PDE8A: variants seen among roughly 807,000 people sequenced by gnomAD.
PDE8A encodes the protein high affinity cAMP-specific and IBMX-insensitive 3',5'-cyclic phosphodiesterase 8A.
PDE8A carries 59 observed loss-of-function variants against 105.0 expected under a neutral mutation model. The ratio of observed to expected loss-of-function variants is 0.56; its 90% CI spans 0.46 to 0.70. The LOEUF is 0.70. Ranked by LOEUF, PDE8A falls within the 30% of genes least tolerant of loss-of-function variation. The probability of loss-of-function intolerance (pLI) is 0.00; values close to 1 mark genes in which losing one functional copy is unlikely to be tolerated. For synonymous variants in PDE8A, 355 were observed against 371.9 expected, an observed-to-expected ratio of 0.95 and a Z score of 0.52; for missense variants, 1,014 against 1,045.9, an observed-to-expected ratio of 0.97 and a Z score of 0.42.
chr15:85,062,298 C>A (rs2081158800), intron 1 of PDE8A, among the ~76,000 whole-genome samples: 1 of 152,172 alleles, frequency 6.6e-6, no homozygotes, highest in Non-Finnish European at 1.5e-5. Context: ...CATCTCTGTG[C>A]CAAGGATCAG....
chr15:85,004,607 A>T (rs1242850296), intron 1 of PDE8A, among the ~76,000 whole-genome samples: 1 of 152,208 alleles, frequency 6.6e-6, no homozygotes, highest in Non-Finnish European at 1.5e-5. Context: ...TTTAAGATTA[A>T]TTTTCTTGAC....
At chr15:85,041,867 CAGG>C (rs1165443614) in intron 1 of PDE8A, among the ~76,000 whole-genome samples, 1 of 152,182 alleles carries the variant, frequency 6.6e-6, no homozygotes, top group Non-Finnish European at 1.5e-5. Context: ...TCATCTGCCC[CAGG>C]AGTTCTCACA....
chr15:85,065,081 C>G (rs1056478815), intron 2 of PDE8A, among the ~76,000 whole-genome samples: 1 of 151,940 alleles, frequency 6.6e-6, no homozygotes, highest in Non-Finnish European at 1.5e-5. Flanking sequence ...GCAAAGGTGG[C>G]AAAATGTTAA....
chr15:85,008,481 G>C (rs963722508), intron 1 of PDE8A, among the ~76,000 whole-genome samples: 1 of 151,966 alleles, frequency 6.6e-6, no homozygotes, highest in Non-Finnish European at 1.5e-5. Context: ...GTTGGAGAAA[G>C]TTGAAGTCAT....
intron 5 of PDE8A, among the ~76,000 whole-genome samples, chr15:85,080,679 C>G (rs2081450258): frequency 1.3e-5 from 2 of 152,124 alleles, no homozygotes; most frequent in Admixed American, 1.3e-4. Context: ...GAAAGAGCAT[C>G]CTGGTAGAAG....
At chr15:85,055,491 C>T (rs1254586248) in intron 1 of PDE8A, among the ~76,000 whole-genome samples, 4 of 152,166 alleles carry the variant, frequency 2.6e-5, no homozygotes, top group Non-Finnish European at 4.4e-5. Flanking sequence ...AATCTGGGTG[C>T]TCCTGTATTG....
chr15:85,088,708 G>C (rs1206231741), intron 6 of PDE8A, among the ~76,000 whole-genome samples: 2 of 152,092 alleles, frequency 1.3e-5, no homozygotes, highest in East Asian at 3.8e-4. Context: ...TTATTCAAGT[G>C]GGTGTGATAT....
chr15:85,059,162 A>G (rs184086156), intron 1 of PDE8A, among the ~76,000 whole-genome samples: 1 of 152,208 alleles, frequency 6.6e-6, no homozygotes, highest in Non-Finnish European at 1.5e-5. Flanking sequence ...TGTGTTGTTT[A>G]ATTTCCACAA....
chr15:85,066,974 A>G, intron 2 of PDE8A, 40 bp from the exon 3 acceptor site: 1 of 1,425,696 alleles, frequency 7.0e-7, no homozygotes, highest in South Asian at 1.3e-5. Context: ...CAATTCTAAC[A>G]TCTTTTTTTA....
At chr15:85,071,582 G>GCA (rs1386277680) in intron 3 of PDE8A, among the ~76,000 whole-genome samples, 2 of 152,214 alleles carry the variant, frequency 1.3e-5, no homozygotes, top group African/African-American at 4.8e-5. Flanking sequence ...GAACAGGCCA[G>GCA]GAGCCCCGCT....
intron 1 of PDE8A, among the ~76,000 whole-genome samples, chr15:84,983,999 C>G (rs1257708415): frequency 6.6e-6 from 1 of 152,180 alleles, no homozygotes; most frequent in African/African-American, 2.4e-5. Flanking sequence ...GTGTTGGGGG[C>G]TCAGAAAATA....
chr15:85,072,576 TG>T (rs1373647668), intron 3 of PDE8A, among the ~76,000 whole-genome samples: 1 of 152,188 alleles, frequency 6.6e-6, no homozygotes, highest in Non-Finnish European at 1.5e-5. Context: ...GTGGACATTA[TG>T]GCTAGTGTTC....
chr15:85,072,219 A>T (rs1300288992), intron 3 of PDE8A, among the ~76,000 whole-genome samples: 1 of 152,246 alleles, frequency 6.6e-6, no homozygotes, highest in Non-Finnish European at 1.5e-5. Context: ...ATAGCAAAGC[A>T]CAAGTAATGG....
At position 85,130,570 on chromosome 15, in the gene PDE8A, TTC is replaced by T. The variant is rs929396783; in HGVS notation, c.2253+4198_2253+4199del. On this transcript the variant is annotated intron_variant, in intron 20 of 21. Transcript: ENST00000394553. ...TGTTGTTGGGTGGATGTTCTATACA[TTC>T]TGTTAGGTCCAGTTGGCCTAGAGCA... Among the ~76,000 whole-genome samples, 128 of 152,192 alleles carry T rather than the reference TTC, an allele frequency of 8.4e-4. 9 individuals are homozygous for T. The highest frequency in any genetic ancestry group is 4.4e-5 in the Non-Finnish European group (3 of 68,026).
intron 6 of PDE8A, among the ~76,000 whole-genome samples, chr15:85,085,629 C>G (rs1339333129): frequency 6.6e-6 from 1 of 150,610 alleles, no homozygotes; most frequent in Non-Finnish European, 1.5e-5. Context: ...GAGCTGAGAT[C>G]GTGCCATTGC....
intron 20 of PDE8A, among the ~76,000 whole-genome samples, chr15:85,132,699 C>T (rs186773849): frequency 1.4e-4 from 21 of 152,246 alleles, no homozygotes; most frequent in Admixed American, 1.2e-3. Flanking sequence ...TCAGGTGATC[C>T]ACCCACCTCA....
chr15:84,988,663 G>C (rs2079841340), intron 1 of PDE8A, among the ~76,000 whole-genome samples: 1 of 152,178 alleles, frequency 6.6e-6, no homozygotes, highest in Non-Finnish European at 1.5e-5. Flanking sequence ...CACCAGTGCT[G>C]CATGTACCTA....
chr15:85,101,572 C>T (rs2081862914), intron 11 of PDE8A, among the ~76,000 whole-genome samples: 1 of 152,154 alleles, frequency 6.6e-6, no homozygotes, highest in African/African-American at 2.4e-5. Context: ...CAGTGGGAGT[C>T]TGAGGATTTG....
chr15:85,130,633 T>G (rs2082317745), intron 20 of PDE8A, among the ~76,000 whole-genome samples: 1 of 152,202 alleles, frequency 6.6e-6, no homozygotes, highest in Non-Finnish European at 1.5e-5. Flanking sequence ...TTCTATTCAT[T>G]ATAAAAATGT....
Sources: allele counts gnomAD v4.1 joint callset (sites outside exome capture counted in the v4.1 genomes callset), GRCh38; gene constraint gnomAD v4.1.1; transcripts MANE v1.5; gene names NCBI Gene and HGNC (gene_info 2026-07-23, HGNC 2026-07-21).